Variants in RASSF5 observed in about 807,000 individuals in gnomAD.
RASSF5 encodes the protein Ras association domain family member 5, also known as ras association domain-containing protein 5.
RASSF5 carries 25 observed loss-of-function variants against 40.5 expected under a neutral mutation model. The ratio of observed to expected loss-of-function variants is 0.62; its 90% CI spans 0.45 to 0.86. The LOEUF is 0.86. Among genes scored for constraint, RASSF5 ranks in the 40% least tolerant of loss-of-function variants. RASSF5 has a pLI of 0.00. For missense variants in RASSF5, 521 were observed against 572.8 expected, an observed-to-expected ratio of 0.91 and a Z score of 0.92; for synonymous variants, 246 against 252.4, an observed-to-expected ratio of 0.97 and a Z score of 0.24.
At chr1:206,568,927 G>A (rs1668357795) in intron 2 of RASSF5, among the ~76,000 whole-genome samples, 2 of 152,252 alleles carry the variant, frequency 1.3e-5, no homozygotes, top group African/African-American at 4.8e-5. Flanking sequence ...GGAGCACCAA[G>A]AGTGTGCCGT....
At chr1:206,583,659 G>A (rs1332832726) in intron 3 of RASSF5, 6 of 401,450 alleles carry the variant, frequency 1.5e-5, no homozygotes, top group South Asian at 6.6e-5. Flanking sequence ...GTGATTAAAC[G>A]GTACGTAATG....
At chr1:206,540,886 C>G (rs1667529186) in intron 2 of RASSF5, among the ~76,000 whole-genome samples, 1 of 152,008 alleles carries the variant, frequency 6.6e-6, no homozygotes, top group Admixed American at 6.6e-5. Context: ...GGCATTTCTC[C>G]TCTCTGATAT....
At chr1:206,534,957 G>T (rs781821755) in intron 1 of RASSF5, among the ~76,000 whole-genome samples, 2 of 152,170 alleles carry the variant, frequency 1.3e-5, no homozygotes, top group Non-Finnish European at 2.9e-5. Flanking sequence ...CTGGCCGGGT[G>T]CGGTGGCTCA....
At chr1:206,581,366 G>A (rs2103566520) in intron 2 of RASSF5, among the ~76,000 whole-genome samples, 1 of 152,298 alleles carries the variant, frequency 6.6e-6, no homozygotes, top group African/African-American at 2.4e-5. Context: ...GGGAGGCCAA[G>A]GCGGATGGAT....
chr1:206,561,663 CTT>C (rs61094454), intron 2 of RASSF5, among the ~76,000 whole-genome samples: 3,934 of 117,926 alleles, frequency 0.033, 43 homozygotes, highest in Middle Eastern at 0.04. Flanking sequence ...TTTTCTTTTT[CTT>C]TTTTTTTTTT....
At position 206,560,111 on chromosome 1, in the gene RASSF5, TC is replaced by T. The variant is rs1285062839; in HGVS notation, c.579+21819del. 1.3e-5 allele frequency among the ~76,000 whole-genome samples: 2 copies of T among 152,368 alleles called. No individual in the cohort carries two copies. The highest frequency in any genetic ancestry group is 2.9e-5 in the Non-Finnish European group (2 of 68,038). On this transcript the variant is annotated intron_variant, in intron 2 of 5. Transcript: ENST00000579436. This position sits in a 1 kb window ranked among gnomAD's most constrained non-coding sequence, Gnocchi z 5.1. ...TCACGCTTGAGCTCCTAAGAGAATT[TC>T]TTTTTCCTGTCTCCAAGGAAAGGAG...
chr1:206,540,159 C>T (rs564710465), intron 2 of RASSF5, among the ~76,000 whole-genome samples: 3 of 152,304 alleles, frequency 2.0e-5, no homozygotes, highest in African/African-American at 7.2e-5. Flanking sequence ...TAGAACAGCC[C>T]CCCACAACAA....
chr1:206,518,781 G>A (rs1666829308), intron 1 of RASSF5, among the ~76,000 whole-genome samples: 1 of 151,982 alleles, frequency 6.6e-6, no homozygotes, highest in African/African-American at 2.4e-5. Flanking sequence ...TGGAGGCCTT[G>A]AGTGGGTAGT....
At chr1:206,572,915 C>G (rs1202653577) in intron 2 of RASSF5, among the ~76,000 whole-genome samples, 1 of 152,100 alleles carries the variant, frequency 6.6e-6, no homozygotes. Context: ...TATCGGGAAT[C>G]AAGGTCCCAT....
intron 2 of RASSF5, among the ~76,000 whole-genome samples, chr1:206,578,584 C>G (rs1553405648): frequency 6.6e-6 from 1 of 152,062 alleles, no homozygotes; most frequent in East Asian, 1.9e-4. Context: ...GAAAGACTGA[C>G]AAATTTAAAA....
At position 206,579,339 on chromosome 1, in the gene RASSF5, C is replaced by G. The variant is rs551210620; in HGVS notation, c.580-3930C>G. Among the ~76,000 whole-genome samples the G allele has an allele frequency of 6.4e-4, 97 of 152,348 alleles. No individual in the cohort carries two copies. In the South Asian group the frequency reaches 6.4e-3, roughly 10 times the overall value. ...TTAAATCATAACAGAGTTCCCTATT[C>G]TGTCTCTATCTTGGGCCACCCCAAG... On this transcript the variant is annotated intron_variant, in intron 2 of 5. Transcript: ENST00000579436. This position sits in a 1 kb window ranked among gnomAD's most constrained non-coding sequence, Gnocchi z 4.2.
chr1:206,545,953 A>ATTTTTT (rs369989700), intron 2 of RASSF5, among the ~76,000 whole-genome samples: 13 of 125,124 alleles, frequency 1.0e-4, no homozygotes, highest in African/African-American at 3.8e-4. Context: ...ATATAGCTAG[A>ATTTTTT]TTTTTTTTTT....
At chr1:206,538,359 T>C (rs1572320590) in intron 2 of RASSF5, 66 bp downstream of exon 2, 2 of 1,599,088 alleles carry the variant, frequency 1.3e-6, no homozygotes, top group East Asian at 2.2e-5. Flanking sequence ...CTCCACTTTC[T>C]CTCCCAGGAG....
chr1:206,555,839 C>T (rs530191686), intron 2 of RASSF5, among the ~76,000 whole-genome samples: 1 of 152,310 alleles, frequency 6.6e-6, no homozygotes, highest in Admixed American at 6.5e-5. Flanking sequence ...GAAACCTTCC[C>T]GAGCACTGAC....
chr1:206,545,212 A>G (rs1667650326), intron 2 of RASSF5, among the ~76,000 whole-genome samples: 1 of 152,108 alleles, frequency 6.6e-6, no homozygotes, highest in South Asian at 2.1e-4. Flanking sequence ...CTGTCTACTC[A>G]TTTCATTTAT....
chr1:206,524,191 A>G (rs1439449210), intron 1 of RASSF5, among the ~76,000 whole-genome samples: 1 of 136,886 alleles, frequency 7.3e-6, no homozygotes, highest in Non-Finnish European at 1.5e-5. Context: ...TATATAATAT[A>G]GATACCATAT....
chr1:206,539,487 C>T (rs1382280291), intron 2 of RASSF5, among the ~76,000 whole-genome samples: 1 of 152,200 alleles, frequency 6.6e-6, no homozygotes, highest in South Asian at 2.1e-4. Context: ...ACCAGCCTCC[C>T]AGCTGTTCCC....
intron 1 of RASSF5, chr1:206,529,301 AC>A: frequency 2.4e-6 from 2 of 820,514 alleles, no homozygotes; most frequent in Non-Finnish European, 2.1e-6. Flanking sequence ...CCACTAAGAG[AC>A]CACCTGTCCT....
At chr1:206,583,422 C>A in intron 3 of RASSF5, 43 bp downstream of exon 3, 2 of 1,382,402 alleles carry the variant, frequency 1.4e-6, no homozygotes, top group East Asian at 4.6e-5. Context: ...GCTCCACCAC[C>A]CGCTTCGGGT....
Sources: gnomAD v4.1 joint callset for allele counts (sites outside exome capture counted in the v4.1 genomes callset) on GRCh38, gnomAD v4.1.1 for gene constraint, Gnocchi (gnomAD v3.1) non-coding constraint, MANE v1.5 for transcripts, NCBI Gene and HGNC (gene_info 2026-07-23, HGNC 2026-07-21) for gene names.